The following ACAD9 variants were observed in gnomAD, a reference collection of about 807,000 sequenced individuals.
ACAD9 encodes complex I assembly factor ACAD9, mitochondrial.
ACAD9 carries 53 observed loss-of-function variants against 70.2 expected under a neutral mutation model. The observed-to-expected ratio is 0.75, with a 90% CI of 0.61 to 0.95. The LOEUF (loss-of-function observed/expected upper bound fraction) is 0.95, where lower values mean the gene tolerates loss of function less well. Ranked by LOEUF, ACAD9 falls within the 40% of genes least tolerant of loss-of-function variation. ACAD9 has a pLI of 0.00. For missense variants in ACAD9, 777 were observed against 802.8 expected, an observed-to-expected ratio of 0.97 and a Z score of 0.39; for synonymous variants, 313 against 312.1, an observed-to-expected ratio of 1.00 and a Z score of -0.03.
At position 128,884,239 on chromosome 3, in the gene ACAD9, A is replaced by T. The variant is rs1489294845; in HGVS notation, c.151-414A>T. On this transcript the variant is annotated intron_variant, in intron 1 of 17. Transcript: ENST00000308982. ...CTCACAAGGGCCTTGAGTAAATATT[A>T]CCTGCATGTTATGGGTGAGAAAGGG... 2.0e-5 allele frequency among the ~76,000 whole-genome samples: 3 copies of T among 152,192 alleles called. No individual in the cohort carries two copies. The East Asian group carries it at 5.8e-4, about 29-fold the overall frequency.
chr3:128,897,984 G>A (rs1320600338), intron 6 of ACAD9, among the ~76,000 whole-genome samples: 1 of 151,964 alleles, frequency 6.6e-6, no homozygotes, highest in Non-Finnish European at 1.5e-5. Flanking sequence ...AGCCTCCTGG[G>A]TAGCTGGGAT....
chr3:128,894,951 A>T (rs1935527881), intron 3 of ACAD9, among the ~76,000 whole-genome samples: 1 of 139,884 alleles, frequency 7.1e-6, no homozygotes, highest in African/African-American at 2.7e-5. Context: ...ATCTTGGCTC[A>T]CTGCAATCCC....
intron 13 of ACAD9, chr3:128,908,601 G>GTGTT (rs1426798542): frequency 3.7e-6 from 2 of 546,740 alleles, no homozygotes; most frequent in Middle Eastern, 4.9e-4. Flanking sequence ...ACATAAGCCA[G>GTGTT]TGTTTCTCTT....
At position 128,904,435 on chromosome 3, in the gene ACAD9, C is replaced by T. The variant is rs753025393; in HGVS notation, c.1079C>T (p.Thr360Ile). Residue 360 changes from threonine (T) to isoleucine (I), a missense_variant, in exon 11 of 18, where the codon ACC (threonine) becomes ATC (isoleucine). Physicochemically the swap from Thr to Ile is moderately conservative, Grantham distance 89. Coordinates refer to ENST00000308982, the MANE Select transcript of ACAD9 (RefSeq NM_014049.5). ...AQKAYVMESM[T>I]YLTAGMLDQP... ...AAGGCTTACGTCATGGAGAGTATGACCTACCTCACAGCAGGGATGCTGGAC... is the reference window on the plus strand; with the variant it reads ...AAGGCTTACGTCATGGAGAGTATGATCTACCTCACAGCAGGGATGCTGGAC... The T allele has an allele frequency of 1.2e-6, 2 of 1,614,220 alleles. No individual in the cohort carries two copies. Among genetic ancestry groups the T allele is most frequent in the East Asian group, 4.5e-5 (2 of 44,892 alleles).
intron 13 of ACAD9, 180 bp downstream of exon 13, chr3:128,908,444 C>T (rs1008537420): frequency 3.2e-5 from 23 of 708,730 alleles, no homozygotes; most frequent in African/African-American, 2.1e-4. Flanking sequence ...GGGAAGCCCT[C>T]GCTGCCCTGC....
chr3:128,894,499 C>T (rs1355532461), intron 3 of ACAD9, among the ~76,000 whole-genome samples: 2 of 150,510 alleles, frequency 1.3e-5, no homozygotes, highest in African/African-American at 4.9e-5. Context: ...AGGATATACA[C>T]AGAAATGCGC....
intron 11 of ACAD9, among the ~76,000 whole-genome samples, chr3:128,905,806 C>T (rs1026497447): frequency 1.3e-5 from 2 of 152,082 alleles, no homozygotes; most frequent in Admixed American, 6.6e-5. Context: ...AAATCACGGC[C>T]GCTGGGGCTT....
intron 17 of ACAD9, among the ~76,000 whole-genome samples, chr3:128,912,187 G>A (rs1936402241): frequency 6.6e-6 from 1 of 152,216 alleles, no homozygotes; most frequent in South Asian, 2.1e-4. Flanking sequence ...GTTATGTGCT[G>A]TGGAGGGTGC....
chr3:128,895,449 C>T (rs772947137), intron 4 of ACAD9, 33 bp downstream of exon 4: 4 of 1,561,510 alleles, frequency 2.6e-6, no homozygotes, highest in South Asian at 1.2e-5. Flanking sequence ...GTGGTGCTCT[C>T]TGTAGGTCTT....
intron 2 of ACAD9, among the ~76,000 whole-genome samples, chr3:128,891,532 A>G (rs1413977702): frequency 1.3e-5 from 2 of 152,178 alleles, no homozygotes; most frequent in Non-Finnish European, 2.9e-5. Context: ...GAGGCAGGAG[A>G]ACCACTTGAA....
intron 9 of ACAD9, among the ~76,000 whole-genome samples, chr3:128,903,596 C>G (rs940388502): frequency 2.6e-5 from 4 of 152,188 alleles, no homozygotes; most frequent in Non-Finnish European, 5.9e-5. Context: ...CACAGCCACA[C>G]GCCTGGAAGC....
chr3:128,889,448 A>G (rs1167611813), intron 2 of ACAD9, among the ~76,000 whole-genome samples: 1 of 152,190 alleles, frequency 6.6e-6, no homozygotes, highest in Non-Finnish European at 1.5e-5. Flanking sequence ...GCATGACTGT[A>G]TTTAGAGAGT....
At chr3:128,903,994 G>A in intron 9 of ACAD9, 68 bp from the exon 10 acceptor site, 1 of 1,524,952 alleles carries the variant, frequency 6.6e-7, no homozygotes, top group Non-Finnish European at 9.1e-7. Context: ...AAGGATGATG[G>A]CCATAGGAAA....
intron 1 of ACAD9, among the ~76,000 whole-genome samples, chr3:128,881,862 A>G (rs1201988333): frequency 6.6e-6 from 1 of 152,206 alleles, no homozygotes; most frequent in Non-Finnish European, 1.5e-5. Flanking sequence ...CAGTGTTTCC[A>G]ACTAGCCAAG....
chr3:128,912,381 G>A, intron 17 of ACAD9, 126 bp from the exon 18 acceptor site: 1 of 760,904 alleles, frequency 1.3e-6, no homozygotes, highest in Non-Finnish European at 2.3e-6. Context: ...TCTGGAGGAG[G>A]GGTTCACCCT....
chr3:128,907,373 C>T (rs1472490718), intron 12 of ACAD9, among the ~76,000 whole-genome samples: 3 of 152,304 alleles, frequency 2.0e-5, no homozygotes, highest in African/African-American at 4.8e-5. Flanking sequence ...AGGCCCTTCC[C>T]TTAGCCTGGG....
At chr3:128,897,541 A>T in intron 5 of ACAD9, 91 bp from the exon 6 acceptor site, 1 of 1,209,862 alleles carries the variant, frequency 8.3e-7, no homozygotes, top group Middle Eastern at 1.9e-4. Context: ...CTGACCTCTT[A>T]CAAGTACTAA....
chr3:128,880,124 G>C (rs568972306), intron 1 of ACAD9: 1 of 1,066,200 alleles, frequency 9.4e-7, no homozygotes, highest in Non-Finnish European at 1.3e-6. Flanking sequence ...AATTAACAAA[G>C]CAGCCTTCAT....
intron 1 of ACAD9, among the ~76,000 whole-genome samples, chr3:128,880,713 T>G (rs1029557168): frequency 5.3e-5 from 8 of 152,164 alleles, no homozygotes; most frequent in African/African-American, 1.9e-4. Flanking sequence ...AGCCTTAAAA[T>G]GGAGATAGTG....
Sources: allele counts gnomAD v4.1 joint callset (sites outside exome capture counted in the v4.1 genomes callset), GRCh38; gene constraint gnomAD v4.1.1; transcripts MANE v1.5; gene names NCBI Gene and HGNC (gene_info 2026-07-23, HGNC 2026-07-21).